RPA1: variants seen among roughly 807,000 people sequenced by gnomAD.
The protein encoded by RPA1 is replication protein A1.
RPA1 carries 49 observed loss-of-function variants against 83.0 expected under a neutral mutation model. The ratio of observed to expected loss-of-function variants is 0.59; its 90% CI spans 0.47 to 0.75. The LOEUF is 0.75. Ranked by LOEUF, RPA1 falls within the 30% of genes least tolerant of loss-of-function variation. The pLI is 0.00. For synonymous variants in RPA1, 279 were observed against 281.8 expected (o/e 0.99, Z 0.10); for missense variants, 693 against 776.1 (o/e 0.89, Z 1.27).
intron 4 of RPA1, among the ~76,000 whole-genome samples, chr17:1,852,602 C>T (rs1290542863): frequency 6.6e-6 from 1 of 152,190 alleles, no homozygotes; most frequent in African/African-American, 2.4e-5. Context: ...CCAGGCAAGC[C>T]ATGGCCCAGG....
chr17:1,869,553 A>G (rs1913305088), intron 5 of RPA1, among the ~76,000 whole-genome samples: 1 of 140,602 alleles, frequency 7.1e-6, no homozygotes, highest in Non-Finnish European at 1.6e-5. Flanking sequence ...AAAAAAAAAA[A>G]TCCTATTTTC....
intron 14 of RPA1, 29 bp downstream of exon 14, chr17:1,888,880 G>C: frequency 6.3e-7 from 1 of 1,599,776 alleles, no homozygotes; most frequent in Non-Finnish European, 8.5e-7. Context: ...TGAGAACCAC[G>C]GTTGTGTTCA....
chr17:1,836,388 G>C (rs930080338), intron 1 of RPA1, among the ~76,000 whole-genome samples: 1 of 152,090 alleles, frequency 6.6e-6, no homozygotes. Flanking sequence ...GGGATTACAG[G>C]CATAAGCCAC....
intron 4 of RPA1, among the ~76,000 whole-genome samples, chr17:1,845,164 G>GTGTGTC (rs757139727): frequency 5.3e-4 from 44 of 82,738 alleles, no homozygotes; most frequent in East Asian, 3.1e-3. Context: ...ATGCTGCTTT[G>GTGTGTC]TGTGTGTGTG....
chr17:1,872,447 G>C lies in RPA1; in HGVS notation c.375G>C (p.Pro125=). The C allele has an allele frequency of 1.9e-6, 3 of 1,613,804 alleles. No homozygotes were observed. The highest frequency in any genetic ancestry group is 2.5e-6 in the Non-Finnish European group (3 of 1,179,934). ...PVPYNEGLGQ[P]QVAPPAPAAS... is the part of the protein sequence containing the mutation. ...TTTGATCTTCAGGACTCGGGCAGCC[G>C]CAAGTAGCTCCTCCAGCGCCAGCAG... The change falls in exon 6 of 17, where the codon CCG becomes CCC. Residue 125 remains proline, a synonymous_variant. Transcript: ENST00000254719.
At chr17:1,890,096 G>A (rs530400313) in intron 14 of RPA1, among the ~76,000 whole-genome samples, 9 of 152,154 alleles carry the variant, frequency 5.9e-5, no homozygotes, top group Non-Finnish European at 8.8e-5. Flanking sequence ...TTGGCCAGGC[G>A]CAGTGACTTG....
chr17:1,872,595 T>A lies in RPA1; in HGVS notation c.454+69T>A, dbSNP rs886521567. On this transcript the variant is annotated intron_variant, in intron 6 of 16. Coordinates refer to ENST00000254719, the MANE Select transcript of RPA1 (RefSeq NM_002945.5). ...TTCGGAATCATGTTTTGAAGTTGAA[T>A]CTGGGACTAAAGGGAGTTTTCCAAA... is the stretch of plus-strand genomic sequence containing the variant. The A allele has an allele frequency of 8.9e-6, 14 of 1,574,280 alleles. No individual in the cohort carries two copies. The African/African-American group carries it at 1.9e-4, about 21-fold the overall frequency.
intron 16 of RPA1, 56 bp from the exon 17 acceptor site, chr17:1,897,015 T>C (rs1914459286): frequency 2.7e-6 from 4 of 1,461,628 alleles, no homozygotes; most frequent in Non-Finnish European, 3.8e-6. Flanking sequence ...CAAAAGGGGT[T>C]TCACTGCTCC....
intron 5 of RPA1, among the ~76,000 whole-genome samples, chr17:1,864,370 C>T (rs1913102391): frequency 6.6e-6 from 1 of 151,882 alleles, no homozygotes; most frequent in African/African-American, 2.4e-5. Context: ...AACCTCGTCT[C>T]TACTAAAAAT....
At chr17:1,831,094 T>C (rs1911551854) in intron 1 of RPA1, among the ~76,000 whole-genome samples, 1 of 152,118 alleles carries the variant, frequency 6.6e-6, no homozygotes, top group East Asian at 1.9e-4. Flanking sequence ...CATCTATTAA[T>C]ATATGTCAGT....
At chr17:1,836,501 C>T (rs1421587684) in intron 1 of RPA1, among the ~76,000 whole-genome samples, 2 of 152,290 alleles carry the variant, frequency 1.3e-5, no homozygotes, top group East Asian at 3.9e-4. Context: ...ATATAGAATA[C>T]TTCCATCAAC....
chr17:1,871,970 G>A (rs921035272), intron 5 of RPA1, among the ~76,000 whole-genome samples: 2 of 152,138 alleles, frequency 1.3e-5, no homozygotes, highest in African/African-American at 4.8e-5. Context: ...CTGTTCCTTT[G>A]AAGCAGGAGC....
In RPA1 at chr17:1,842,690, A is replaced by C; in HGVS notation, c.34-113A>C. On this transcript the variant is annotated intron_variant, in intron 1 of 16. Transcript: ENST00000254719. ...AGATGCTTCAGCTGACAGGCTCTGA[A>C]TAGGCTCTTTTAACAATCTTATCTA... 3.5e-6 allele frequency: 3 copies of C among 862,032 alleles called. No individual in the cohort carries two copies. The East Asian group carries it at 7.8e-5, about 22-fold the overall frequency. The allele number at this position is 862,032 out of a possible 1,614,324, so 53.4% of individuals were successfully genotyped here.
intron 13 of RPA1, among the ~76,000 whole-genome samples, chr17:1,885,692 A>C (rs1415768551): frequency 6.6e-6 from 1 of 151,670 alleles, no homozygotes; most frequent in East Asian, 1.9e-4. Flanking sequence ...CCCTGCCTCA[A>C]CCTCTCAAAG....
At chr17:1,881,370 CTG>C (rs1429653502) in intron 12 of RPA1, among the ~76,000 whole-genome samples, 1 of 152,158 alleles carries the variant, frequency 6.6e-6, no homozygotes, top group Non-Finnish European at 1.5e-5. Context: ...CAGTTTCCAG[CTG>C]TGTCTTAGGA....
chr17:1,868,946 A>G (rs1052745738), intron 5 of RPA1, among the ~76,000 whole-genome samples: 1 of 152,240 alleles, frequency 6.6e-6, no homozygotes, highest in Admixed American at 6.5e-5. Flanking sequence ...AATTTGTTAC[A>G]CAATACTTAA....
chr17:1,861,568 T>A (rs1912970916), intron 5 of RPA1, among the ~76,000 whole-genome samples: 1 of 152,234 alleles, frequency 6.6e-6, no homozygotes, highest in Non-Finnish European at 1.5e-5. Context: ...CTCTGACTCC[T>A]GTCTAGAGAC....
intron 5 of RPA1, among the ~76,000 whole-genome samples, chr17:1,869,365 T>G (rs1913296162): frequency 6.6e-6 from 1 of 152,074 alleles, no homozygotes. Flanking sequence ...GGTGAAACCC[T>G]GTCTCTACTA....
intron 5 of RPA1, among the ~76,000 whole-genome samples, chr17:1,857,469 C>T (rs1159009454): frequency 1.3e-5 from 2 of 151,868 alleles, no homozygotes; most frequent in Non-Finnish European, 2.9e-5. Flanking sequence ...GCAGCTGCTC[C>T]AAGAACTAAC....
Sources: gnomAD v4.1 joint callset for allele counts (sites outside exome capture counted in the v4.1 genomes callset) on GRCh38, gnomAD v4.1.1 for gene constraint, MANE v1.5 for transcripts, NCBI Gene and HGNC (gene_info 2026-07-23, HGNC 2026-07-21) for gene names.